The following GABRR2 variants were observed in gnomAD, a reference collection of about 807,000 sequenced individuals.
The protein encoded by GABRR2 is gamma-aminobutyric acid receptor subunit rho-2.
Under a neutral mutation model 47.0 loss-of-function variants are expected in GABRR2, and 36 were observed. The observed-to-expected ratio is 0.77, with a 90% CI of 0.59 to 1.01. The LOEUF is 1.01. Among genes scored for constraint, GABRR2 ranks in the 50% least tolerant of loss-of-function variants. GABRR2 has a pLI of 0.00. For synonymous variants in GABRR2, 204 were observed against 227.5 expected (o/e 0.90, Z 0.93); for missense variants, 587 against 594.6 (o/e 0.99, Z 0.13).
At chr6:89,271,750 A>T (rs1378479793) in intron 2 of GABRR2, 28 bp from the exon 3 acceptor site, 10 of 1,599,324 alleles carry the variant, frequency 6.3e-6, no homozygotes, top group Non-Finnish European at 8.5e-6. Context: ...CAGCTGGTTA[A>T]GGCACCTTCC....
chr6:89,305,999 T>TATAA (rs905224609), intron 1 of GABRR2, among the ~76,000 whole-genome samples: 31 of 150,218 alleles, frequency 2.1e-4, no homozygotes, highest in African/African-American at 6.3e-4. Context: ...AGTAAATAAA[T>TATAA]ATAAATAAAT....
intron 1 of GABRR2, among the ~76,000 whole-genome samples, chr6:89,306,515 C>A (rs1767561979): frequency 6.6e-6 from 1 of 152,338 alleles, no homozygotes; most frequent in African/African-American, 2.4e-5. Context: ...TACCCTGGGA[C>A]AAAGCCTTCC....
chr6:89,287,478 A>G (rs1774352542), intron 2 of GABRR2, among the ~76,000 whole-genome samples: 1 of 152,234 alleles, frequency 6.6e-6, no homozygotes, highest in African/African-American at 2.4e-5. Flanking sequence ...CTGGCTCCTC[A>G]GGAACAGGGC....
intron 2 of GABRR2, among the ~76,000 whole-genome samples, chr6:89,299,537 G>A (rs1177188327): frequency 1.3e-5 from 2 of 152,148 alleles, no homozygotes; most frequent in Non-Finnish European, 2.9e-5. Context: ...GAATGTAAAT[G>A]GCTTAGTCAC....
rs548865739 is a variant in GABRR2 at position 89,299,078 on chromosome 6, A to T, written c.220+681T>A. ...CTATGGTGTTTTGTGTGAAAGCCAGAACTGACTAAGACACTGTCCACCTTC... is the reference window on the plus strand; with the variant it reads ...CTATGGTGTTTTGTGTGAAAGCCAGTACTGACTAAGACACTGTCCACCTTC... On this transcript the variant is annotated intron_variant, in intron 2 of 8. Transcript: ENST00000402938. Among the ~76,000 whole-genome samples the T allele has an allele frequency of 2.0e-4, 31 of 152,318 alleles. 1 individual carries two copies. The South Asian group carries it at 5.8e-3, about 28-fold the overall frequency.
intron 1 of GABRR2, among the ~76,000 whole-genome samples, chr6:89,314,308 C>T (rs1016300758): frequency 2.0e-5 from 3 of 152,272 alleles, no homozygotes; most frequent in African/African-American, 7.2e-5. Context: ...GCTGCTTGTT[C>T]TTTTCTTATC....
chr6:89,276,299 G>A (rs565507979), intron 2 of GABRR2, among the ~76,000 whole-genome samples: 6 of 151,458 alleles, frequency 4.0e-5, no homozygotes, highest in East Asian at 1.9e-4. Context: ...TTAAAATATC[G>A]AAGTTTACTA....
At chr6:89,301,567 A>C (rs552230174) in intron 1 of GABRR2, among the ~76,000 whole-genome samples, 1 of 152,266 alleles carries the variant, frequency 6.6e-6, no homozygotes, top group South Asian at 2.1e-4. Flanking sequence ...TGGCATTCCT[A>C]TATGCCAACA....
rs1489962396 is a variant in GABRR2 at position 89,256,397 on chromosome 6, C to T, written c.*1273G>A. ...CGACTACTCTTATTCTTAATTTGGA[C>T]CCCAATGTACCTAGTGCAGAGATAC... On this transcript the variant is annotated 3_prime_UTR_variant, in exon 9 of 9. Coordinates refer to ENST00000402938, the MANE Select transcript of GABRR2 (RefSeq NM_002043.5). Among the ~76,000 whole-genome samples, 1 of 151,968 alleles carries T rather than the reference C, an allele frequency of 6.6e-6. No homozygotes were observed. The highest frequency in any genetic ancestry group is 6.6e-5 in the Admixed American group (1 of 15,250).
intron 1 of GABRR2, among the ~76,000 whole-genome samples, chr6:89,310,862 G>T (rs3777514): frequency 0.26 from 39,231 of 152,020 alleles, 5,433 homozygotes; most frequent in African/African-American, 0.37. Context: ...AAGGTAATGG[G>T]AAGACAACGA....
At chr6:89,280,229 T>TATATACATAC (rs1343070652) in intron 2 of GABRR2, among the ~76,000 whole-genome samples, 5 of 80,528 alleles carry the variant, frequency 6.2e-5, no homozygotes, top group Non-Finnish European at 7.5e-5. Context: ...TATATATATA[T>TATATACATAC]ATATATATAT....
chr6:89,301,711 A>G, intron 1 of GABRR2: 2 of 622,372 alleles, frequency 3.2e-6, no homozygotes, highest in Non-Finnish European at 5.9e-6. Context: ...ACACCACTCA[A>G]AGAAATCAGA....
At chr6:89,309,475 A>G (rs1767639987) in intron 1 of GABRR2, among the ~76,000 whole-genome samples, 1 of 151,568 alleles carries the variant, frequency 6.6e-6, no homozygotes, top group African/African-American at 2.4e-5. Context: ...ACCCATCTAA[A>G]CTCCACATCT....
Position 89,257,037 on chromosome 6 carries a change from C to T in GABRR2, c.*633G>A, listed in dbSNP as rs990552518. Among the ~76,000 whole-genome samples the T allele has an allele frequency of 5.3e-5, 8 of 152,128 alleles. No individual in the cohort carries two copies. The highest frequency in any genetic ancestry group is 2.6e-4 in the Admixed American group (4 of 15,284). ...TAGAGAAGATCTCTAAGGAAAGAGA[C>T]TATTTTCTCATTTCTACCGTACCTG... On this transcript the variant is annotated 3_prime_UTR_variant, in exon 9 of 9. Transcript: ENST00000402938.
chr6:89,297,902 T>G (rs1407322865), intron 2 of GABRR2, among the ~76,000 whole-genome samples: 1 of 152,240 alleles, frequency 6.6e-6, no homozygotes, highest in African/African-American at 2.4e-5. Flanking sequence ...TTATTGTGTT[T>G]CCTAGCCACT....
chr6:89,258,026 G>A (rs906178883), intron 8 of GABRR2, 45 bp from the exon 9 acceptor site: 9 of 1,554,140 alleles, frequency 5.8e-6, no homozygotes, highest in African/African-American at 1.4e-5. Flanking sequence ...CTTGTGAGGT[G>A]GGCAGAGGAG....
chr6:89,307,566 C>G (rs1360315093), intron 1 of GABRR2, among the ~76,000 whole-genome samples: 1 of 152,144 alleles, frequency 6.6e-6, no homozygotes, highest in Non-Finnish European at 1.5e-5. Flanking sequence ...CTAGGATAAG[C>G]CTTAATCTAA....
rs893042884 is a variant in GABRR2 at position 89,255,518 on chromosome 6, A to G, written c.*2152T>C. Reference sequence around the variant, plus strand: ...CCATATTTATGCATTTTTGTTCTTCATTGGTCTGTGAGACTGGGAAATCTA... The same window carrying G: ...CCATATTTATGCATTTTTGTTCTTCGTTGGTCTGTGAGACTGGGAAATCTA... On this transcript the variant is annotated 3_prime_UTR_variant, in exon 9 of 9. Coordinates refer to ENST00000402938, the MANE Select transcript of GABRR2 (RefSeq NM_002043.5). 2.6e-5 allele frequency among the ~76,000 whole-genome samples: 4 copies of G among 152,100 alleles called. No homozygotes were observed. Among genetic ancestry groups the G allele is most frequent in the African/African-American group, 9.7e-5 (4 of 41,414 alleles).
chr6:89,301,143 A>C (rs886147546), intron 1 of GABRR2, among the ~76,000 whole-genome samples: 6 of 152,162 alleles, frequency 3.9e-5, no homozygotes, highest in Admixed American at 3.9e-4. Flanking sequence ...AAGCCACATT[A>C]TTATCTCAAT....
Sources: gnomAD v4.1 joint callset for allele counts (sites outside exome capture counted in the v4.1 genomes callset) on GRCh38, gnomAD v4.1.1 for gene constraint, MANE v1.5 for transcripts, NCBI Gene and HGNC (gene_info 2026-07-23, HGNC 2026-07-21) for gene names.